FOCAD: variants seen among roughly 807,000 people sequenced by gnomAD.
The protein encoded by FOCAD is KIAA1797.
In FOCAD, 198 loss-of-function variants were observed where a neutral mutation model predicts 225.6. That is an observed-to-expected ratio of 0.88 (90% CI 0.78 to 0.99). The LOEUF (loss-of-function observed/expected upper bound fraction) is 0.99. FOCAD is among the 50% of genes least tolerant of loss of function. The pLI, the probability that FOCAD is intolerant of heterozygous loss-of-function variation, is 0.00. For missense variants in FOCAD, 2,713 were observed against 2,123.6 expected, an observed-to-expected ratio of 1.28 and a Z score of -5.46; for synonymous variants, 897 against 755.0, an observed-to-expected ratio of 1.19 and a Z score of -3.08.
intron 4 of FOCAD, among the ~76,000 whole-genome samples, chr9:20,739,266 C>A (rs1316309699): frequency 6.6e-6 from 1 of 152,176 alleles, no homozygotes; most frequent in African/African-American, 2.4e-5. Flanking sequence ...AAGTGCTTAG[C>A]TTATGGTAAT....
chr9:20,811,736 A>G (rs1823099417), intron 11 of FOCAD, among the ~76,000 whole-genome samples: 1 of 152,042 alleles, frequency 6.6e-6, no homozygotes. Flanking sequence ...CCAATGGACT[A>G]TTTAAATAAT....
Position 20,815,134 on chromosome 9 carries a change from TTTG to T in FOCAD, c.1456-4659_1456-4657del, listed in dbSNP as rs1335298306. On this transcript the variant is annotated intron_variant, in intron 11 of 43. Coordinates refer to ENST00000338382, the MANE Select transcript of FOCAD (RefSeq NM_001375567.1). ...CATTACTTCTCTTTGTTTTTTTTTT[TTTG>T]TTTTTTTTTTTTTTTTTGAGACAGT... 5.4e-3 allele frequency among the ~76,000 whole-genome samples: 464 copies of T among 86,010 alleles called. 46 individuals carry two copies. Among genetic ancestry groups the T allele is most frequent in the African/African-American group, 9.1e-3 (184 of 20,228 alleles). 56.4% of individuals were successfully genotyped at this position (86,010 alleles called of 152,430 possible).
intron 11 of FOCAD, among the ~76,000 whole-genome samples, chr9:20,802,583 T>C (rs778245517): frequency 3.9e-5 from 6 of 152,160 alleles, no homozygotes; most frequent in Non-Finnish European, 7.3e-5. Context: ...CACATAAATA[T>C]ATTAGGTGTA....
At chr9:20,666,040 A>G (rs546267775) in intron 2 of FOCAD, among the ~76,000 whole-genome samples, 326 of 152,082 alleles carry the variant, frequency 2.1e-3, no homozygotes, top group African/African-American at 7.3e-3. Flanking sequence ...GATAACAGGC[A>G]CCCGCCACCA....
chr9:20,980,019 T>G (rs34846796), intron 37 of FOCAD, among the ~76,000 whole-genome samples: 18,950 of 152,166 alleles, frequency 0.12, 1,543 homozygotes, highest in South Asian at 0.19. Context: ...CCATTGTGCT[T>G]GCTTGTAGTC....
chr9:20,872,357 T>C (rs115709843), intron 18 of FOCAD, among the ~76,000 whole-genome samples: 522 of 152,266 alleles, frequency 3.4e-3, no homozygotes, highest in African/African-American at 0.011. Context: ...GATAGGAGGA[T>C]AGGATAAAAG....
intron 28 of FOCAD, among the ~76,000 whole-genome samples, chr9:20,944,197 C>T (rs1836945760): frequency 6.6e-6 from 1 of 152,216 alleles, no homozygotes; most frequent in East Asian, 1.9e-4. Flanking sequence ...CAGATATCCT[C>T]AGCTCACATC....
intron 20 of FOCAD, among the ~76,000 whole-genome samples, chr9:20,882,724 G>A (rs1157109290): frequency 2.6e-5 from 4 of 152,204 alleles, no homozygotes; most frequent in Non-Finnish European, 5.9e-5. Flanking sequence ...ATCATGTGGA[G>A]CAAGAGTGAC....
chr9:20,770,032 G>A lies in FOCAD; in HGVS notation c.700G>A (p.Val234Ile), dbSNP rs10441706. The change falls in exon 8 of 44, where the codon GTA (valine) becomes ATA (isoleucine). Residue 234 changes from valine (V) to isoleucine (I), a missense_variant and splice_region_variant. Coordinates refer to ENST00000338382, the MANE Select transcript of FOCAD (RefSeq NM_001375567.1). Reference sequence around the variant, plus strand: ...ATCATATAATGACTTTTTTAAACAGGTAAAAGATTTGATACAGACAACAGA... The same window carrying A: ...ATCATATAATGACTTTTTTAAACAGATAAAAGATTTGATACAGACAACAGA... Reference protein sequence around the residue: ...LCCDIVPCLQVKDLIQTTEAM... With the variant: ...LCCDIVPCLQIKDLIQTTEAM... The A allele has an allele frequency of 1.9e-3, 3,126 of 1,612,934 alleles. 47 individuals are homozygous for A. In the African/African-American group the frequency reaches 0.036, roughly 19 times the overall value.
chr9:20,906,341 T>G (rs1028028068), intron 21 of FOCAD, among the ~76,000 whole-genome samples: 3 of 152,038 alleles, frequency 2.0e-5, no homozygotes, highest in Non-Finnish European at 4.4e-5. Context: ...CTTTTTTTTT[T>G]GGTCTGTAGG....
intron 28 of FOCAD, among the ~76,000 whole-genome samples, chr9:20,936,555 G>A (rs768560002): frequency 7.9e-5 from 12 of 152,114 alleles, no homozygotes; most frequent in African/African-American, 9.7e-5. Context: ...GAGGCCGGGC[G>A]CGGTGGCTCA....
intron 15 of FOCAD, among the ~76,000 whole-genome samples, chr9:20,828,309 A>AT (rs1825121501): frequency 6.6e-6 from 1 of 152,124 alleles, no homozygotes; most frequent in African/African-American, 2.4e-5. Context: ...AATCTCAAAC[A>AT]TAAACAATAG....
rs140153556 is a variant in FOCAD at position 20,792,664 on chromosome 9, G to C, written c.1455+3056G>C. Among the ~76,000 whole-genome samples, 12 of 152,196 alleles carry C rather than the reference G, an allele frequency of 7.9e-5. No homozygotes were observed. The East Asian group carries it at 2.3e-3, about 29-fold the overall frequency. On this transcript the variant is annotated intron_variant, in intron 11 of 43. Transcript: ENST00000338382. ...ATTTTGGTTGTTAAGTCTAGTTAAA[G>C]GTCTTGCTTAATAGGAACAGTTGCA...
chr9:20,867,150 T>C, intron 18 of FOCAD, 138 bp downstream of exon 18: 2 of 543,490 alleles, frequency 3.7e-6, no homozygotes, highest in East Asian at 3.0e-5. Context: ...TACAAATTCA[T>C]ACCCATTATT....
intron 24 of FOCAD, among the ~76,000 whole-genome samples, chr9:20,918,273 G>A (rs1024086007): frequency 6.6e-6 from 1 of 152,188 alleles, no homozygotes; most frequent in Non-Finnish European, 1.5e-5. Flanking sequence ...AATTCCTCGT[G>A]TCTAGTAGAT....
chr9:20,769,344 T>C (rs1817945015), intron 7 of FOCAD, among the ~76,000 whole-genome samples: 1 of 152,218 alleles, frequency 6.6e-6, no homozygotes, highest in South Asian at 2.1e-4. Context: ...TTGAAGCAGA[T>C]GGTCCGTTGT....
intron 28 of FOCAD, among the ~76,000 whole-genome samples, chr9:20,941,016 C>T (rs1836602875): frequency 6.6e-6 from 1 of 151,902 alleles, no homozygotes. Flanking sequence ...GACCTGAAAG[C>T]CTGACTCATG....
intron 11 of FOCAD, among the ~76,000 whole-genome samples, chr9:20,804,795 C>A (rs186502084): frequency 4.6e-5 from 7 of 151,922 alleles, no homozygotes; most frequent in African/African-American, 1.7e-4. Context: ...GTAAATGACA[C>A]CCTTCCGGGA....
intron 26 of FOCAD, 48 bp downstream of exon 26, chr9:20,926,465 T>A (rs1259811461): frequency 1.7e-6 from 2 of 1,187,330 alleles, no homozygotes; most frequent in Non-Finnish European, 2.5e-6. Flanking sequence ...GAATTGACTC[T>A]TATGACATCA....
Sources: gnomAD v4.1 joint callset for allele counts (sites outside exome capture counted in the v4.1 genomes callset) on GRCh38, gnomAD v4.1.1 for gene constraint, MANE v1.5 for transcripts, NCBI Gene and HGNC (gene_info 2026-07-23, HGNC 2026-07-21) for gene names.